LOXHD1: variants seen among roughly 807,000 people sequenced by gnomAD.
LOXHD1 encodes the protein lipoxygenase homology PLAT domains 1.
In LOXHD1, 205 loss-of-function variants were observed where a neutral mutation model predicts 248.2. That is an observed-to-expected ratio of 0.83 (90% CI 0.74 to 0.93). LOXHD1 has a LOEUF of 0.93. Ranked by LOEUF, LOXHD1 falls within the 40% of genes least tolerant of loss-of-function variation. LOXHD1 has a pLI of 0.00. For missense variants in LOXHD1, 2,930 were observed against 2,971.6 expected (o/e 0.99, Z 0.33); for synonymous variants, 1,113 against 1,162.8 (o/e 0.96, Z 0.87).
chr18:46,596,026 G>T (rs187895181), intron 8 of LOXHD1, among the ~76,000 whole-genome samples: 4 of 152,184 alleles, frequency 2.6e-5, no homozygotes, highest in Admixed American at 2.6e-4. Context: ...TTAAAGGTTA[G>T]GTAAGCAACA....
intron 2 of LOXHD1, among the ~76,000 whole-genome samples, chr18:46,648,711 G>A (rs1045353719): frequency 6.6e-6 from 1 of 152,192 alleles, no homozygotes; most frequent in Non-Finnish European, 1.5e-5. Flanking sequence ...AGCTGAGTGT[G>A]CAATGGCTGG....
chr18:46,525,776 G>A (rs920143977), intron 29 of LOXHD1, among the ~76,000 whole-genome samples: 1 of 152,234 alleles, frequency 6.6e-6, no homozygotes, highest in African/African-American at 2.4e-5. Flanking sequence ...CTGGGTGCAG[G>A]TGCCATGTGA....
chr18:46,522,439 T>A, intron 31 of LOXHD1, 130 bp from the exon 32 acceptor site: 1 of 717,964 alleles, frequency 1.4e-6, no homozygotes, highest in Non-Finnish European at 2.3e-6. Flanking sequence ...CAAAGTGCAG[T>A]GAGCCCTTCA....
At chr18:46,553,979 A>T (rs571040641) in intron 21 of LOXHD1, among the ~76,000 whole-genome samples, 4 of 152,246 alleles carry the variant, frequency 2.6e-5, no homozygotes, top group South Asian at 4.1e-4. Context: ...GAATAGAGAG[A>T]TGAGGGGCAT....
At chr18:46,504,646 A>G (rs879057808) in intron 37 of LOXHD1, among the ~76,000 whole-genome samples, 1 of 152,354 alleles carries the variant, frequency 6.6e-6, no homozygotes, top group East Asian at 1.9e-4. Context: ...ATCCACGTTA[A>G]AGCAAAATAG....
chr18:46,530,378 G>T (rs989572021), intron 28 of LOXHD1, among the ~76,000 whole-genome samples: 2 of 152,308 alleles, frequency 1.3e-5, no homozygotes, highest in East Asian at 3.9e-4. Flanking sequence ...CTTGAAGGGG[G>T]CCTCAAGGGT....
chr18:46,549,999 G>T (rs890857059), intron 21 of LOXHD1, among the ~76,000 whole-genome samples: 3 of 152,184 alleles, frequency 2.0e-5, no homozygotes, highest in African/African-American at 4.8e-5. Flanking sequence ...TAAAAATGCA[G>T]CTAGTTAGAG....
Position 46,601,324 on chromosome 18 carries a change from G to T in LOXHD1, c.1027C>A (p.Arg343Ser). The stretch of plus-strand genomic sequence containing the variant: ...AGCTCGATGTGGAAGATGTCCGTGC[G>T]GCCTCGGTCAAACACGCCGCCCTCC... The part of the protein sequence containing the change: ...FLEGGVFDRG[R>S]TDIFHIELAV... The change falls in exon 8 of 41, where the codon CGC (arginine) becomes AGC (serine). Residue 343 changes from arginine (R) to serine (S), a missense_variant. By Grantham distance (110) the Arg-to-Ser change is moderately radical. Transcript: ENST00000642948. 6.4e-7 allele frequency: 1 copy of T among 1,551,644 alleles called. No homozygotes were observed. The highest frequency in any genetic ancestry group is 8.7e-7 in the Non-Finnish European group (1 of 1,146,978).
rs527536011 is a variant in LOXHD1 at position 46,592,548 on chromosome 18, G to T, written c.1468C>A (p.Arg490=). 5.2e-6 allele frequency: 8 copies of T among 1,551,504 alleles called. No individual in the cohort carries two copies. The South Asian group carries it at 7.1e-5, about 14-fold the overall frequency. The change falls in exon 11 of 41, where the codon CGA becomes AGA. Residue 490 remains arginine (R), a synonymous_variant. Coordinates refer to ENST00000642948, the MANE Select transcript of LOXHD1 (RefSeq NM_001384474.1). ...LPDLGRFYKI[R]VWHDKRSSGS... ...GAACTCCTTTTATCATGCCATACTC[G>T]AATCTTATAAAACCTGCCAAGATCC...
chr18:46,521,337 G>A, intron 32 of LOXHD1, 55 bp from the exon 33 acceptor site: 1 of 1,533,492 alleles, frequency 6.5e-7, no homozygotes, highest in Non-Finnish European at 8.8e-7. Context: ...GGAAGGAAGT[G>A]CTCCCTGCCC....
At position 46,573,046 on chromosome 18, in the gene LOXHD1, A is replaced by T. The variant is rs958417387; in HGVS notation, c.1971-884T>A. ...TCAAAAAAAAAAAAAAAAAAAAAAA[A>T]GACAGGATAGACCAGCTGAGGCACT... is the stretch of plus-strand genomic sequence containing the variant. On this transcript the variant is annotated intron_variant, in intron 14 of 40. Coordinates refer to ENST00000642948, the MANE Select transcript of LOXHD1 (RefSeq NM_001384474.1). 7.9e-5 allele frequency among the ~76,000 whole-genome samples: 12 copies of T among 150,982 alleles called. No homozygotes were observed. The East Asian group carries it at 2.1e-3, about 27-fold the overall frequency.
At chr18:46,488,289 A>G (rs1269894873) in intron 38 of LOXHD1, among the ~76,000 whole-genome samples, 1 of 152,200 alleles carries the variant, frequency 6.6e-6, no homozygotes, top group Non-Finnish European at 1.5e-5. Flanking sequence ...CACCAAACAC[A>G]CATACTGGAC....
intron 16 of LOXHD1, among the ~76,000 whole-genome samples, chr18:46,567,363 C>T (rs1032971697): frequency 5.3e-5 from 8 of 152,244 alleles, no homozygotes; most frequent in African/African-American, 1.7e-4. Flanking sequence ...GTCCTAAGTG[C>T]CTCTTTGCAG....
At position 46,538,283 on chromosome 18, in the gene LOXHD1, T is replaced by G; in HGVS notation, c.3968A>C (p.Asp1323Ala). The G allele has an allele frequency of 6.4e-7, 1 of 1,551,544 alleles. No homozygotes were observed. The highest frequency in any genetic ancestry group is 2.4e-5 in the East Asian group (1 of 40,916). Residue 1323 changes from aspartate to alanine, a missense_variant, in exon 26 of 41, where the codon GAT (aspartate) becomes GCT (alanine). Transcript: ENST00000642948. ...YTSDVFAAGT[D>A]ANIFIIIYGC... ...ATAGATGATGATGAAGATGTTGGCATCTGTCCCAGCAGCAAAGACATCACT... is the reference window on the plus strand; with the variant it reads ...ATAGATGATGATGAAGATGTTGGCAGCTGTCCCAGCAGCAAAGACATCACT...
rs369008554 is a variant in LOXHD1 at position 46,518,170 on chromosome 18, G to A, written c.5358C>T (p.Asn1786=). ...SNIFMTLYGI[N]GSTEEMQLDK... The stretch of plus-strand genomic sequence containing the variant: ...CCAGCTGCATCTCCTCTGTGCTCCC[G>A]TTGATGCCGTAGAGGGTCATGAAGA... Residue 1786 remains asparagine, a synonymous_variant, in exon 34 of 41, where the codon AAC becomes AAT. Coordinates refer to ENST00000642948, the MANE Select transcript of LOXHD1 (RefSeq NM_001384474.1). 46 of 1,551,640 alleles carry A rather than the reference G, an allele frequency of 3.0e-5. No individual in the cohort carries two copies. The highest frequency in any genetic ancestry group is 2.0e-4 in the South Asian group (17 of 84,056).
chr18:46,621,471 G>C (rs2038667848), intron 4 of LOXHD1, among the ~76,000 whole-genome samples: 1 of 152,216 alleles, frequency 6.6e-6, no homozygotes, highest in African/African-American at 2.4e-5. Context: ...GAGAGAACAA[G>C]GCTGAGGAAA....
intron 2 of LOXHD1, among the ~76,000 whole-genome samples, chr18:46,647,193 C>T (rs1599074800): frequency 6.6e-6 from 1 of 152,280 alleles, no homozygotes; most frequent in African/African-American, 2.4e-5. Flanking sequence ...CCCATGGGAT[C>T]TCAGCAAAGC....
At chr18:46,570,798 G>T (rs987061688) in intron 15 of LOXHD1, among the ~76,000 whole-genome samples, 10 of 152,220 alleles carry the variant, frequency 6.6e-5, no homozygotes, top group African/African-American at 2.4e-4. Context: ...ACAAATTTGT[G>T]TTGGGCCACA....
At chr18:46,511,113 G>A (rs1231002206) in intron 34 of LOXHD1, among the ~76,000 whole-genome samples, 1 of 152,164 alleles carries the variant, frequency 6.6e-6, no homozygotes, top group East Asian at 1.9e-4. Flanking sequence ...GAAAAGGGGA[G>A]GAGAAACAAG....
Sources: allele counts gnomAD v4.1 joint callset (sites outside exome capture counted in the v4.1 genomes callset), GRCh38; gene constraint gnomAD v4.1.1; transcripts MANE v1.5; gene names NCBI Gene and HGNC (gene_info 2026-07-23, HGNC 2026-07-21).